TSHR: variants seen among roughly 807,000 people sequenced by gnomAD.
TSHR encodes thyroid stimulating hormone receptor, also known as thyrotropin receptor.
Under a neutral mutation model 64.1 loss-of-function variants are expected in TSHR, and 51 were observed. The observed-to-expected ratio is 0.80, with a 90% confidence interval of 0.64 to 1.01. The LOEUF (loss-of-function observed/expected upper bound fraction) is 1.01. Ranked by LOEUF, TSHR falls within the 50% of genes least tolerant of loss-of-function variation. TSHR has a pLI of 0.00. For missense variants in TSHR, 877 were observed against 942.8 expected, an observed-to-expected ratio of 0.93 and a Z score of 0.91; for synonymous variants, 361 against 361.9, an observed-to-expected ratio of 1.00 and a Z score of 0.03.
Position 81,088,019 on chromosome 14 carries a change from T to A in TSHR, c.383T>A (p.Leu128Gln). The A allele has an allele frequency of 6.2e-7, 1 of 1,613,180 alleles. No homozygotes were observed. ...DPDALKELPL[L>Q]KFLGIFNTGL... ...GATGCCCTCAAAGAGCTCCCCCTCC[T>A]AAAGTTCCTGTAAGTATTAAATCCT... Residue 128 changes from leucine to glutamine, a missense_variant, in exon 4 of 10, where the codon CTA becomes CAA. Coordinates refer to ENST00000298171, the MANE Select transcript of TSHR (RefSeq NM_000369.5).
intron 1 of TSHR, among the ~76,000 whole-genome samples, chr14:81,059,954 C>T (rs1430233368): frequency 6.6e-6 from 1 of 152,090 alleles, no homozygotes; most frequent in African/African-American, 2.4e-5. Context: ...ACTCATACTT[C>T]GGGAAAGAAT....
chr14:81,068,415 G>C (rs1334363724), intron 3 of TSHR, 87 bp downstream of exon 3: 11 of 1,271,340 alleles, frequency 8.7e-6, no homozygotes, highest in Non-Finnish European at 1.1e-5. Flanking sequence ...AATGGGAGCT[G>C]GTTTCTTGAT....
chr14:80,963,422 C>T (rs1017991993), intron 1 of TSHR, among the ~76,000 whole-genome samples: 1 of 152,090 alleles, frequency 6.6e-6, no homozygotes, highest in South Asian at 2.1e-4. Flanking sequence ...CTTTTCTTTA[C>T]CCATCACATG....
At chr14:81,031,960 A>G (rs1478153999) in intron 1 of TSHR, among the ~76,000 whole-genome samples, 1 of 152,258 alleles carries the variant, frequency 6.6e-6, no homozygotes, top group Non-Finnish European at 1.5e-5. Flanking sequence ...CCAGATGCAT[A>G]GGTATCAACA....
chr14:80,965,112 G>T (rs141159363), intron 1 of TSHR, among the ~76,000 whole-genome samples: 176 of 152,342 alleles, frequency 1.2e-3, no homozygotes, highest in African/African-American at 4.2e-3. Context: ...AGCAAGGGCA[G>T]GGAGGAGGAG....
rs887221213 is a variant in TSHR, at chr14:81,023,867, C to A, written c.171-38281C>A. Among the ~76,000 whole-genome samples the A allele has an allele frequency of 2.6e-5, 4 of 152,272 alleles. No individual in the cohort carries two copies. In the East Asian group the frequency reaches 7.7e-4, roughly 29 times the overall value. On this transcript the variant is annotated intron_variant, in intron 1 of 9. Transcript: ENST00000298171. ...CTGCCTTAAATCCTGGTGCTGACTT[C>A]TTTTTCTTACTAATAAATGTCCTTC... is the stretch of plus-strand genomic sequence containing the variant.
chr14:80,965,640 T>C (rs1420440739), intron 1 of TSHR, among the ~76,000 whole-genome samples: 1 of 152,214 alleles, frequency 6.6e-6, no homozygotes, highest in East Asian at 1.9e-4. Context: ...AAAATAGCAT[T>C]TGAAAATTTT....
intron 1 of TSHR, among the ~76,000 whole-genome samples, chr14:81,061,325 T>A (rs912486336): frequency 6.6e-6 from 1 of 152,152 alleles, no homozygotes; most frequent in African/African-American, 2.4e-5. Context: ...CATAATACAA[T>A]ATATTATGTT....
At chr14:81,118,916 A>G (rs1227100643) in intron 8 of TSHR, among the ~76,000 whole-genome samples, 17 of 148,694 alleles carry the variant, frequency 1.1e-4, no homozygotes, top group African/African-American at 4.1e-4. Context: ...TGAGAAAAAC[A>G]AGCAATGGGG....
At chr14:81,116,086 G>A (rs1278206346) in intron 8 of TSHR, among the ~76,000 whole-genome samples, 4 of 151,952 alleles carry the variant, frequency 2.6e-5, no homozygotes, top group African/African-American at 9.7e-5. Flanking sequence ...ATGCCAAAAT[G>A]TAAAGACCAT....
intron 1 of TSHR, among the ~76,000 whole-genome samples, chr14:81,057,615 A>C (rs1166872514): frequency 6.6e-6 from 1 of 152,204 alleles, no homozygotes; most frequent in Non-Finnish European, 1.5e-5. Flanking sequence ...AGTTCAGTGA[A>C]ATATACTTGG....
chr14:81,032,142 A>G (rs1037246125), intron 1 of TSHR, among the ~76,000 whole-genome samples: 1 of 152,204 alleles, frequency 6.6e-6, no homozygotes. Flanking sequence ...AAATTGAACA[A>G]AGAGATAGAT....
intron 8 of TSHR, among the ~76,000 whole-genome samples, chr14:81,126,953 G>C (rs1010749028): frequency 6.6e-6 from 1 of 152,142 alleles, no homozygotes; most frequent in African/African-American, 2.4e-5. Context: ...TCAATTATCT[G>C]TATAATGAAA....
intron 1 of TSHR, chr14:81,051,463 G>T (rs1885428656): frequency 6.6e-6 from 1 of 152,076 alleles, no homozygotes; most frequent in African/African-American, 2.4e-5. Context: ...TTTCCAGAAA[G>T]CTTTAAATTT....
Position 80,976,158 on chromosome 14 carries a change from G to A in TSHR, c.170+20308G>A, listed in dbSNP as rs181399621. ...CATCTCCTGACCTCGTGATCCGCCC[G>A]CCTCGGCCTCCCAAAGTGCTGGGAT... On this transcript the variant is annotated intron_variant, in intron 1 of 9. Transcript: ENST00000298171. Among the ~76,000 whole-genome samples the A allele has an allele frequency of 3.3e-3, 509 of 152,214 alleles. 3 individuals carry two copies. The highest frequency in any genetic ancestry group is 0.011 in the African/African-American group (470 of 41,512).
chr14:81,017,320 T>C (rs893668333), intron 1 of TSHR, among the ~76,000 whole-genome samples: 1 of 152,168 alleles, frequency 6.6e-6, no homozygotes, highest in Admixed American at 6.5e-5. Context: ...GATTACAGGA[T>C]GGTAAGTTTG....
intron 8 of TSHR, among the ~76,000 whole-genome samples, chr14:81,114,828 G>A (rs1047140493): frequency 6.6e-6 from 1 of 152,212 alleles, no homozygotes; most frequent in Non-Finnish European, 1.5e-5. Flanking sequence ...CGCAGCTGGA[G>A]ATCTGAGAAC....
At position 81,145,571 on chromosome 14, in the gene TSHR, T is replaced by C. The variant is rs1387626418; in HGVS notation, c.*1218T>C. 10 of 233,016 alleles carry C rather than the reference T, an allele frequency of 4.3e-5. No individual in the cohort carries two copies. Among genetic ancestry groups the C allele is most frequent in the Non-Finnish European group, 2.5e-5 (3 of 118,002 alleles). 14.4% of individuals were successfully genotyped at this position (233,016 alleles called of 1,614,324 possible). Reference sequence around the variant, plus strand: ...AAACGATGGTTGCAAATTTTGGCTATTTAGAGTTGCTACTTCACTATGAAG... The same window carrying C: ...AAACGATGGTTGCAAATTTTGGCTACTTAGAGTTGCTACTTCACTATGAAG... On this transcript the variant is annotated 3_prime_UTR_variant, in exon 10 of 10. Transcript: ENST00000298171.
chr14:81,064,207 T>C (rs2139898243), intron 2 of TSHR, among the ~76,000 whole-genome samples: 1 of 152,200 alleles, frequency 6.6e-6, no homozygotes, highest in East Asian at 1.9e-4. Context: ...AAGAGGCTGA[T>C]GCAGTGCCCA....
Sources: allele counts gnomAD v4.1 joint callset (sites outside exome capture counted in the v4.1 genomes callset), GRCh38; gene constraint gnomAD v4.1.1; transcripts MANE v1.5; gene names NCBI Gene and HGNC (gene_info 2026-07-23, HGNC 2026-07-21).